The following TTLL11 variants were observed in gnomAD, a reference collection of about 807,000 sequenced individuals.
The protein encoded by TTLL11 is tubulin tyrosine ligase like 11.
Under a neutral mutation model 51.7 loss-of-function variants are expected in TTLL11, and 42 were observed. The ratio of observed to expected loss-of-function variants is 0.81; its 90% confidence interval spans 0.64 to 1.05. TTLL11 has a LOEUF of 1.05. TTLL11 is among the 50% of genes least tolerant of loss of function. TTLL11 has a pLI of 0.00. For missense variants in TTLL11, 799 were observed against 940.4 expected (o/e 0.85, Z 1.97); for synonymous variants, 381 against 383.5 (o/e 0.99, Z 0.08).
chr9:121,966,933 A>G (rs554253024), intron 6 of TTLL11, among the ~76,000 whole-genome samples: 1 of 152,250 alleles, frequency 6.6e-6, no homozygotes, highest in South Asian at 2.1e-4. Flanking sequence ...AGCCTGATTG[A>G]CCACTTGGTG....
intron 6 of TTLL11, among the ~76,000 whole-genome samples, chr9:121,926,138 C>CAA: frequency 6.6e-6 from 1 of 152,178 alleles, no homozygotes; most frequent in Admixed American, 6.5e-5. Context: ...TTTGCCTTCA[C>CAA]ACGCTTCTGC....
intron 6 of TTLL11, among the ~76,000 whole-genome samples, chr9:121,937,228 C>T (rs1170772779): frequency 6.6e-6 from 1 of 152,126 alleles, no homozygotes; most frequent in Non-Finnish European, 1.5e-5. Context: ...TGAATAATGC[C>T]AGCTATTTTT....
At chr9:121,941,231 T>A (rs1764399321) in intron 6 of TTLL11, among the ~76,000 whole-genome samples, 1 of 152,242 alleles carries the variant, frequency 6.6e-6, no homozygotes, top group Non-Finnish European at 1.5e-5. Context: ...ATCACCAAAG[T>A]GAGCCCTGAG....
Position 121,856,895 on chromosome 9 carries a change from C to T in TTLL11, c.1840+3442G>A, listed in dbSNP as rs971153823. Among the ~76,000 whole-genome samples the T allele has an allele frequency of 4.6e-5, 7 of 152,218 alleles. No individual in the cohort carries two copies. In the East Asian group the frequency reaches 5.8e-4, roughly 13 times the overall value. On this transcript the variant is annotated intron_variant, in intron 8 of 8. Transcript: ENST00000321582. ...TGCTGACACTTGGCAAAAGGAAGAACGACCACTTAACCACAGACTGCTCCT... is the reference window on the plus strand; with the variant it reads ...TGCTGACACTTGGCAAAAGGAAGAATGACCACTTAACCACAGACTGCTCCT...
At chr9:121,840,985 C>A (rs560054510) in intron 8 of TTLL11, among the ~76,000 whole-genome samples, 2 of 152,200 alleles carry the variant, frequency 1.3e-5, no homozygotes, top group East Asian at 1.9e-4. Context: ...TCTGATCCAG[C>A]GAGCTATGAC....
In TTLL11 at chr9:121,989,445, A is replaced by T. The variant is rs779289044; in HGVS notation, c.1019T>A (p.Met340Lys). The change falls in exon 4 of 9, where the codon ATG (methionine) becomes AAG (lysine). Residue 340 changes from methionine to lysine, a missense_variant. Coordinates refer to ENST00000321582, the MANE Select transcript of TTLL11 (RefSeq NM_001139442.2). The surrounding 1 kb of genome is among the most constrained non-coding windows in gnomAD (Gnocchi z 4.2). Reference protein sequence around the residue: ...PTPKNLHRIFMHLTNYSLNIH... With the variant: ...PTPKNLHRIFKHLTNYSLNIH... Reference sequence around the variant, plus strand: ...GTTCAGTGAATAGTTGGTTAAGTGCATAAAGATGCGGTGCAGGTTTTTGGG... The same window carrying T: ...GTTCAGTGAATAGTTGGTTAAGTGCTTAAAGATGCGGTGCAGGTTTTTGGG... 6.2e-7 allele frequency: 1 copy of T among 1,614,194 alleles called. No homozygotes were observed. Among genetic ancestry groups the T allele is most frequent in the Non-Finnish European group, 8.5e-7 (1 of 1,180,040 alleles).
At chr9:121,858,081 C>T (rs1285706976) in intron 8 of TTLL11, among the ~76,000 whole-genome samples, 1 of 152,214 alleles carries the variant, frequency 6.6e-6, no homozygotes, top group Non-Finnish European at 1.5e-5. Flanking sequence ...CACTCTCAGT[C>T]CTCGAAATGA....
chr9:122,048,797 C>A (rs9919033), intron 1 of TTLL11, among the ~76,000 whole-genome samples: 33,145 of 152,000 alleles, frequency 0.22, 3,841 homozygotes, highest in Non-Finnish European at 0.24. Context: ...GATCTCTCAG[C>A]TCTCTTTGTC....
At position 121,922,254 on chromosome 9, in the gene TTLL11, C is replaced by T. The variant is rs114933453; in HGVS notation, c.1482-51506G>A. On this transcript the variant is annotated intron_variant, in intron 6 of 8. Coordinates refer to ENST00000321582, the MANE Select transcript of TTLL11 (RefSeq NM_001139442.2). ...TGTCTGTTTACATTTTATTGATACT[C>T]TTTTTAAAAGATTTAATATAAGTAT... Among the ~76,000 whole-genome samples, 627 of 152,284 alleles carry T rather than the reference C, an allele frequency of 4.1e-3. 2 individuals are homozygous for T. Among genetic ancestry groups the T allele is most frequent in the African/African-American group, 0.014 (598 of 41,560 alleles).
At chr9:122,039,402 T>G in intron 1 of TTLL11, 34 bp from the exon 2 acceptor site, 1 of 1,558,280 alleles carries the variant, frequency 6.4e-7, no homozygotes, top group Non-Finnish European at 8.8e-7. Flanking sequence ...GCAATAAGAA[T>G]AAGAAGAGCA....
At chr9:121,952,569 G>A (rs1841885206) in intron 6 of TTLL11, among the ~76,000 whole-genome samples, 1 of 152,024 alleles carries the variant, frequency 6.6e-6, no homozygotes. Context: ...CCATACACTT[G>A]ATAGTTCTTT....
chr9:121,918,302 C>A (rs755723133), intron 6 of TTLL11, among the ~76,000 whole-genome samples: 2 of 152,090 alleles, frequency 1.3e-5, no homozygotes, highest in Non-Finnish European at 2.9e-5. Context: ...ACCAGAGAAA[C>A]CAGAAGTCAC....
At chr9:121,861,087 G>GTTT (rs11310991) in intron 7 of TTLL11, among the ~76,000 whole-genome samples, 3 of 130,992 alleles carry the variant, frequency 2.3e-5, no homozygotes, top group Non-Finnish European at 1.7e-5. Context: ...CAAGGCAAGT[G>GTTT]TTTTTTTTTT....
chr9:121,895,607 GTGTC>G (rs1018856418), intron 6 of TTLL11, among the ~76,000 whole-genome samples: 14 of 150,796 alleles, frequency 9.3e-5, no homozygotes, highest in African/African-American at 2.4e-4. Context: ...TTGTGTATGT[GTGTC>G]TGTGTGAACA....
chr9:121,951,863 A>C (rs1392944363), intron 6 of TTLL11, among the ~76,000 whole-genome samples: 2 of 152,226 alleles, frequency 1.3e-5, no homozygotes, highest in African/African-American at 4.8e-5. Context: ...ATGCTAAACA[A>C]AGGGTAGATT....
In TTLL11 at chr9:121,822,553, T is replaced by C; in HGVS notation, c.*34A>G. 1 of 1,425,788 alleles carries C rather than the reference T, an allele frequency of 7.0e-7. No homozygotes were observed. The highest frequency in any genetic ancestry group is 9.2e-7 in the Non-Finnish European group (1 of 1,086,360). The allele number at this position is 1,425,788 out of a possible 1,614,324, so 88.3% of individuals were successfully genotyped here. On this transcript the variant is annotated 3_prime_UTR_variant, in exon 9 of 9. Transcript: ENST00000321582. This position sits in a 1 kb window ranked among gnomAD's most constrained non-coding sequence, Gnocchi z 5.8. ...GGCGCTCCAGCCCTGAAAGCTGCTC[T>C]CGTCTTCCGTTTTCCAGGAGGACAG...
At chr9:121,861,885 A>T (rs1248727443) in intron 7 of TTLL11, among the ~76,000 whole-genome samples, 1 of 152,198 alleles carries the variant, frequency 6.6e-6, no homozygotes, top group Non-Finnish European at 1.5e-5. Flanking sequence ...ATAAGCCCTG[A>T]ATCAGCCACA....
intron 8 of TTLL11, among the ~76,000 whole-genome samples, chr9:121,836,834 A>G (rs1460665607): frequency 6.6e-6 from 1 of 152,198 alleles, no homozygotes; most frequent in Non-Finnish European, 1.5e-5. Context: ...GAAAATTCAG[A>G]CAGAGGCAAT....
At chr9:121,924,564 G>A (rs1002266734) in intron 6 of TTLL11, among the ~76,000 whole-genome samples, 39 of 152,280 alleles carry the variant, frequency 2.6e-4, no homozygotes, top group Admixed American at 2.4e-3. Context: ...ATCGGGGAAG[G>A]AGCAGATGAG....
Sources: gnomAD v4.1 joint callset for allele counts (sites outside exome capture counted in the v4.1 genomes callset) on GRCh38, gnomAD v4.1.1 for gene constraint, Gnocchi (gnomAD v3.1) non-coding constraint, MANE v1.5 for transcripts, NCBI Gene and HGNC (gene_info 2026-07-23, HGNC 2026-07-21) for gene names.